The following CYRIB variants were observed in gnomAD, a reference collection of about 807,000 sequenced individuals.
The protein encoded by CYRIB is CYFIP related Rac1 interactor B.
A neutral mutation model predicts 44.2 loss-of-function variants in CYRIB; 8 were observed. The observed-to-expected ratio is 0.18, with a 90% confidence interval of 0.11 to 0.33. The LOEUF (loss-of-function observed/expected upper bound fraction) is 0.33. Among genes scored for constraint, CYRIB ranks in the 10% least tolerant of loss-of-function variants. CYRIB has a pLI of 1.00. For missense variants in CYRIB, 185 were observed against 382.8 expected (o/e 0.48, Z 4.31); for synonymous variants, 131 against 127.2 (o/e 1.03, Z -0.20).
intron 7 of CYRIB, among the ~76,000 whole-genome samples, chr8:129,853,930 T>G (rs1266644971): frequency 1.3e-5 from 2 of 152,224 alleles, no homozygotes; most frequent in Non-Finnish European, 2.9e-5. Context: ...TCTTCCATTC[T>G]AAGAATATAG....
At chr8:129,965,598 C>G (rs1389336946) in intron 2 of CYRIB, among the ~76,000 whole-genome samples, 1 of 151,814 alleles carries the variant, frequency 6.6e-6, no homozygotes, top group African/African-American at 2.4e-5. Context: ...AGATCGAGAC[C>G]GTCCTGGCTA....
chr8:129,941,612 GTCC>G (rs1390624990), upstream of CYRIB, among the ~76,000 whole-genome samples: 2 of 152,080 alleles, frequency 1.3e-5, no homozygotes, highest in African/African-American at 4.8e-5. Flanking sequence ...TGATAGAAAA[GTCC>G]TCCTAATCCA....
chr8:129,983,347 A>C (rs1458127428), intron 1 of CYRIB, among the ~76,000 whole-genome samples: 1 of 152,160 alleles, frequency 6.6e-6, no homozygotes, highest in Non-Finnish European at 1.5e-5. Context: ...CGGGAGGCTG[A>C]GGCAGGGGAA....
At chr8:129,978,071 C>T (rs998612912) in intron 1 of CYRIB, among the ~76,000 whole-genome samples, 1 of 152,074 alleles carries the variant, frequency 6.6e-6, no homozygotes, top group African/African-American at 2.4e-5. Flanking sequence ...CAGGCGTGTG[C>T]CACCATGCCT....
intron 2 of CYRIB, among the ~76,000 whole-genome samples, chr8:129,951,013 A>G (rs1670745): frequency 0.6 from 91,693 of 152,088 alleles, 27,998 homozygotes; most frequent in East Asian, 0.72. Flanking sequence ...ATTTAAAGTT[A>G]CATAGTCCTG....
intron 1 of CYRIB, among the ~76,000 whole-genome samples, chr8:130,003,963 A>G (rs1280511824): frequency 6.6e-6 from 1 of 152,222 alleles, no homozygotes; most frequent in Non-Finnish European, 1.5e-5. Flanking sequence ...TGACAAAGTC[A>G]GAAGGGGCCT....
At chr8:129,996,839 A>T (rs2096778371) in intron 1 of CYRIB, among the ~76,000 whole-genome samples, 1 of 152,068 alleles carries the variant, frequency 6.6e-6, no homozygotes, top group Non-Finnish European at 1.5e-5. Flanking sequence ...TGAAGATAGA[A>T]GCCTGTGATT....
In CYRIB at chr8:129,930,365, T is replaced by TTTTATATATATATATATA. The variant is rs369665802; in HGVS notation, c.-50+9242_-50+9243insTATATATATATATATAAA. ...TCAACTAGGAAGAATTGTGAAGTGC[T>TTTTATATATATATATATA]TATATATATATATATTTTAATTATT... is the stretch of plus-strand genomic sequence containing the variant. On this transcript the variant is annotated intron_variant, in intron 1 of 11. Transcript: ENST00000519824. Among the ~76,000 whole-genome samples the TTTTATATATATATATATA allele has an allele frequency of 2.8e-3, 140 of 50,404 alleles. 11 individuals are homozygous for TTTTATATATATATATATA. Among genetic ancestry groups the TTTTATATATATATATATA allele is most frequent in the South Asian group, 9.9e-3 (14 of 1,412 alleles). The allele number at this position is 50,404 out of a possible 152,430, so 33.1% of individuals were successfully genotyped here.
intron 1 of CYRIB, among the ~76,000 whole-genome samples, chr8:130,001,614 C>T (rs1232800906): frequency 2.0e-5 from 3 of 150,722 alleles, no homozygotes; most frequent in East Asian, 1.9e-4. Context: ...CTGCAACCTC[C>T]GCCTCCTGGG....
intron 1 of CYRIB, among the ~76,000 whole-genome samples, chr8:129,977,993 C>T (rs1211185438): frequency 6.6e-6 from 1 of 152,176 alleles, no homozygotes; most frequent in Non-Finnish European, 1.5e-5. Flanking sequence ...ACTGTGGCCT[C>T]GAACTCCGGG....
intron 2 of CYRIB, among the ~76,000 whole-genome samples, chr8:129,964,029 A>G (rs2095378237): frequency 6.6e-6 from 1 of 152,202 alleles, no homozygotes. Context: ...AGGGGAAGAG[A>G]GAAAGTCTCT....
At chr8:129,991,969 A>AAC (rs2096647164) in intron 1 of CYRIB, among the ~76,000 whole-genome samples, 1 of 131,982 alleles carries the variant, frequency 7.6e-6, no homozygotes, top group African/African-American at 2.7e-5. Flanking sequence ...AAAAAAAAAA[A>AAC]AAACAATAGG....
chr8:129,898,413 T>C (rs1386127709), intron 2 of CYRIB, among the ~76,000 whole-genome samples: 2 of 152,174 alleles, frequency 1.3e-5, no homozygotes, highest in East Asian at 1.9e-4. Flanking sequence ...TTATGGATGG[T>C]TGGATGCAGA....
intron 9 of CYRIB, chr8:129,850,064 C>A (rs1227254357): frequency 6.6e-6 from 1 of 152,222 alleles, no homozygotes; most frequent in Non-Finnish European, 1.5e-5. Flanking sequence ...AGTGTCCCTT[C>A]ATTTCCCAGG....
intron 3 of CYRIB, among the ~76,000 whole-genome samples, chr8:129,873,501 A>T (rs1389761139): frequency 6.6e-6 from 1 of 152,032 alleles, no homozygotes; most frequent in Non-Finnish European, 1.5e-5. Context: ...AATATGTTTT[A>T]CATGCAAAAA....
intron 4 of CYRIB, among the ~76,000 whole-genome samples, chr8:129,869,967 T>G (rs2056325860): frequency 6.8e-6 from 1 of 146,402 alleles, no homozygotes; most frequent in African/African-American, 2.5e-5. Flanking sequence ...AAGTAGGAGA[T>G]TATGGGGGGG....
chr8:129,849,209 C>T (rs772571784), intron 10 of CYRIB, 34 bp downstream of exon 12: 11 of 1,542,678 alleles, frequency 7.1e-6, no homozygotes, highest in Middle Eastern at 1.7e-4. Context: ...TGGAGAAACT[C>T]GTTTGAAATT....
chr8:129,899,701 A>G (rs369282212), intron 2 of CYRIB, among the ~76,000 whole-genome samples: 6 of 152,346 alleles, frequency 3.9e-5, no homozygotes, highest in South Asian at 2.1e-4. Flanking sequence ...AGGGAGGTAA[A>G]GGAAGACAAA....
intron 1 of CYRIB, among the ~76,000 whole-genome samples, chr8:129,979,476 C>A (rs1200230016): frequency 6.6e-6 from 1 of 152,144 alleles, no homozygotes; most frequent in Non-Finnish European, 1.5e-5. Flanking sequence ...CCACTATTAG[C>A]TGGAAACTTC....
Sources: allele counts gnomAD v4.1 joint callset (sites outside exome capture counted in the v4.1 genomes callset), GRCh38; gene constraint gnomAD v4.1.1; transcripts MANE v1.5; gene names NCBI Gene and HGNC (gene_info 2026-07-23, HGNC 2026-07-21).